Variants in STXBP5 observed in about 807,000 individuals in gnomAD.
STXBP5 encodes the protein syntaxin-binding protein 5.
A neutral mutation model predicts 152.4 loss-of-function variants in STXBP5; 50 were observed. The observed-to-expected ratio is 0.33, with a 90% CI of 0.26 to 0.42. The LOEUF is 0.42. STXBP5 is among the 10% of genes least tolerant of loss of function. The pLI is 1.00. For missense variants in STXBP5, 1,167 were observed against 1,388.6 expected, an observed-to-expected ratio of 0.84 and a Z score of 2.54; for synonymous variants, 492 against 494.7, an observed-to-expected ratio of 0.99 and a Z score of 0.07.
At chr6:147,212,907 C>G (rs563330597) in intron 2 of STXBP5, among the ~76,000 whole-genome samples, 5 of 152,046 alleles carry the variant, frequency 3.3e-5, no homozygotes, top group Non-Finnish European at 7.4e-5. Context: ...AATAGGAAAC[C>G]AGGACTTTTT....
chr6:147,300,813 T>A (rs2128361359), intron 9 of STXBP5, among the ~76,000 whole-genome samples: 1 of 151,960 alleles, frequency 6.6e-6, no homozygotes, highest in South Asian at 2.1e-4. Context: ...TGGAATTACA[T>A]CCAATTAAAA....
intron 22 of STXBP5, among the ~76,000 whole-genome samples, chr6:147,356,107 T>C (rs1348371307): frequency 2.0e-5 from 3 of 152,168 alleles, no homozygotes; most frequent in Admixed American, 2.0e-4. Flanking sequence ...AGATAAATTA[T>C]GTAATAAAAA....
At chr6:147,337,959 C>T (rs1226786554) in intron 19 of STXBP5, among the ~76,000 whole-genome samples, 3 of 152,074 alleles carry the variant, frequency 2.0e-5, no homozygotes, top group Non-Finnish European at 4.4e-5. Flanking sequence ...CAAGGACATT[C>T]ACCACTTGAC....
intron 26 of STXBP5, 49 bp from the exon 27 acceptor site, chr6:147,382,729 T>G: frequency 6.3e-7 from 1 of 1,581,824 alleles, no homozygotes; most frequent in Non-Finnish European, 8.6e-7. Flanking sequence ...TTTATATTAG[T>G]AAAATGTTCA....
intron 25 of STXBP5, among the ~76,000 whole-genome samples, chr6:147,365,534 G>C (rs1328686607): frequency 6.6e-6 from 1 of 152,036 alleles, no homozygotes; most frequent in Non-Finnish European, 1.5e-5. Context: ...GTTAATAGCA[G>C]CCATAGTTTA....
At chr6:147,332,206 G>A (rs1164668073) in intron 18 of STXBP5, among the ~76,000 whole-genome samples, 1 of 152,168 alleles carries the variant, frequency 6.6e-6, no homozygotes, top group Admixed American at 6.5e-5. Context: ...CCATTCAACA[G>A]ATACTGAGGC....
intron 19 of STXBP5, 91 bp from the exon 20 acceptor site, chr6:147,339,088 C>A: frequency 9.1e-7 from 1 of 1,101,622 alleles, no homozygotes; most frequent in Admixed American, 3.0e-5. Context: ...TTGAAAGTTA[C>A]CAGATTTTTT....
At chr6:147,302,158 T>C (rs1432075340) in intron 9 of STXBP5, among the ~76,000 whole-genome samples, 4 of 152,174 alleles carry the variant, frequency 2.6e-5, no homozygotes, top group Admixed American at 2.0e-4. Flanking sequence ...AAACTGATAT[T>C]ACATATATAA....
In STXBP5 at chr6:147,386,548, A is replaced by G. The variant is rs1435355689; in HGVS notation, c.*1793A>G. On this transcript the variant is annotated 3_prime_UTR_variant, in exon 28 of 28. Transcript: ENST00000321680. ...GATAATTGATCAAGCCAAAAGAAATATTTTTTAAATAAGCCCTTTTCAAAA... is the reference window on the plus strand; with the variant it reads ...GATAATTGATCAAGCCAAAAGAAATGTTTTTTAAATAAGCCCTTTTCAAAA... 1 of 151,852 alleles carries G rather than the reference A, an allele frequency of 6.6e-6. No homozygotes were observed. The highest frequency in any genetic ancestry group is 1.5e-5 in the Non-Finnish European group (1 of 67,802). The allele number at this position is 151,852 out of a possible 1,614,324, so 9.4% of individuals were successfully genotyped here.
chr6:147,355,979 T>C (rs966612342), intron 22 of STXBP5, among the ~76,000 whole-genome samples: 8 of 152,072 alleles, frequency 5.3e-5, no homozygotes, highest in African/African-American at 1.7e-4. Context: ...TTTTCAAAAG[T>C]CTAGGCAGAT....
intron 4 of STXBP5, among the ~76,000 whole-genome samples, chr6:147,252,820 G>T (rs1582845272): frequency 6.6e-6 from 1 of 152,176 alleles, no homozygotes; most frequent in East Asian, 1.9e-4. Context: ...GTAATTAATA[G>T]CCTACCAACC....
chr6:147,365,173 GA>G (rs1254322057), intron 25 of STXBP5, among the ~76,000 whole-genome samples: 1 of 152,114 alleles, frequency 6.6e-6, no homozygotes, highest in African/African-American at 2.4e-5. Flanking sequence ...TACTATACTG[GA>G]AACCTAGTCC....
intron 23 of STXBP5, among the ~76,000 whole-genome samples, chr6:147,362,043 A>G (rs1461239633): frequency 4.6e-5 from 7 of 152,198 alleles, no homozygotes; most frequent in Admixed American, 4.6e-4. Context: ...TAATTGATAT[A>G]ACAAATACTT....
At chr6:147,299,541 G>C (rs1255222042) in intron 9 of STXBP5, among the ~76,000 whole-genome samples, 1 of 151,846 alleles carries the variant, frequency 6.6e-6, no homozygotes, top group East Asian at 1.9e-4. Flanking sequence ...ACTAATTCCT[G>C]AAACTATTCT....
At chr6:147,210,781 G>A (rs1308425633) in intron 2 of STXBP5, among the ~76,000 whole-genome samples, 2 of 152,052 alleles carry the variant, frequency 1.3e-5, no homozygotes, top group Non-Finnish European at 2.9e-5. Flanking sequence ...TAGCTTTTAC[G>A]ATCATGAAGG....
chr6:147,329,427 A>G (rs1375996052), intron 18 of STXBP5, among the ~76,000 whole-genome samples: 2 of 150,526 alleles, frequency 1.3e-5, no homozygotes, highest in Non-Finnish European at 3.0e-5. Context: ...AGTATGTTTT[A>G]AAATAACATC....
chr6:147,228,140 T>C (rs1777818299), intron 2 of STXBP5, among the ~76,000 whole-genome samples: 1 of 152,048 alleles, frequency 6.6e-6, no homozygotes, highest in African/African-American at 2.4e-5. Context: ...TGTCATTGCC[T>C]TGTTTTGTGT....
intron 8 of STXBP5, among the ~76,000 whole-genome samples, chr6:147,288,726 A>G (rs1781122495): frequency 6.6e-6 from 1 of 152,172 alleles, no homozygotes; most frequent in Non-Finnish European, 1.5e-5. Context: ...AGCATAAAGA[A>G]AAAAAGAGAC....
chr6:147,305,488 G>A (rs1782043251), intron 9 of STXBP5, among the ~76,000 whole-genome samples: 1 of 152,070 alleles, frequency 6.6e-6, no homozygotes, highest in Non-Finnish European at 1.5e-5. Flanking sequence ...TATTTTTCGA[G>A]TGTCCACAAG....
Sources: allele counts gnomAD v4.1 joint callset (sites outside exome capture counted in the v4.1 genomes callset), GRCh38; gene constraint gnomAD v4.1.1; transcripts MANE v1.5; gene names NCBI Gene and HGNC (gene_info 2026-07-23, HGNC 2026-07-21).